The following TACC3 variants were observed in gnomAD, a reference collection of about 807,000 sequenced individuals.
The protein encoded by TACC3 is transforming acidic coiled-coil containing protein 3.
Under a neutral mutation model 86.0 loss-of-function variants are expected in TACC3, and 52 were observed. The ratio of observed to expected loss-of-function variants is 0.60; its 90% confidence interval spans 0.48 to 0.76. TACC3 has a LOEUF of 0.76. TACC3 is among the 30% of genes least tolerant of loss of function. The pLI, the probability that TACC3 is intolerant of heterozygous loss-of-function variation, is 0.00. For synonymous variants in TACC3, 512 were observed against 430.0 expected, an observed-to-expected ratio of 1.19 and a Z score of -2.36; for missense variants, 1,120 against 1,070.4, an observed-to-expected ratio of 1.05 and a Z score of -0.65.
At chr4:1,731,373 GAC>G in intron 6 of TACC3, 72 bp downstream of exon 6, 1 of 1,561,622 alleles carries the variant, frequency 6.4e-7, no homozygotes, top group Non-Finnish European at 8.8e-7. Context: ...GGCAGCTCGA[GAC>G]ACCTGCATCA....
intron 4 of TACC3, among the ~76,000 whole-genome samples, chr4:1,729,719 A>G (rs1000156188): frequency 6.6e-6 from 1 of 152,230 alleles, no homozygotes; most frequent in Non-Finnish European, 1.5e-5. Flanking sequence ...ACAGGGACAC[A>G]GGCCTCTGGA....
chr4:1,740,171 G>C (rs376743853), intron 12 of TACC3, 169 bp downstream of exon 12: 7 of 664,382 alleles, frequency 1.1e-5, no homozygotes, highest in African/African-American at 3.6e-5. Context: ...GGCGAGTTGC[G>C]GGGAAGCTGG....
chr4:1,724,515 C>T (rs138827225), intron 3 of TACC3, among the ~76,000 whole-genome samples: 2,441 of 150,120 alleles, frequency 0.016, 87 homozygotes, highest in African/African-American at 0.056. Flanking sequence ...CTCAGCCTCC[C>T]GAGTAGCTGG....
chr4:1,739,842 C>T lies in TACC3; in HGVS notation c.2018+64C>T. The T allele has an allele frequency of 1.9e-6, 3 of 1,547,428 alleles. 1 individual carries two copies. Among genetic ancestry groups the T allele is most frequent in the African/African-American group, 2.7e-5 (2 of 72,748 alleles). On this transcript the variant is annotated intron_variant, in intron 11 of 15. Coordinates refer to ENST00000313288, the MANE Select transcript of TACC3 (RefSeq NM_006342.3). The stretch of plus-strand genomic sequence containing the variant: ...CCCCTCGCCATCCTTGTCCCCATCC[C>T]CCTCGCCATCCTTGTCCCCATCCCC...
rs1221401529 is a variant in TACC3 at position 1,727,564 on chromosome 4, G to C, written c.306-144G>C. 5 of 1,314,814 alleles carry C rather than the reference G, an allele frequency of 3.8e-6. No homozygotes were observed. In the East Asian group the frequency reaches 7.0e-5, roughly 18 times the overall value. The allele number at this position is 1,314,814 out of a possible 1,614,324, so 81.4% of individuals were successfully genotyped here. ...AACTACATTGAGGAACTGAGGTGGG[G>C]GGTGGAGAACGGGAAGCCGTGCCAA... On this transcript the variant is annotated intron_variant, in intron 3 of 15. Transcript: ENST00000313288.
chr4:1,744,020 G>A (rs1049722591), intron 13 of TACC3, among the ~76,000 whole-genome samples: 9 of 152,132 alleles, frequency 5.9e-5, no homozygotes, highest in East Asian at 1.9e-4. Context: ...GAGGCCACTC[G>A]GGGACCCAGG....
intron 6 of TACC3, among the ~76,000 whole-genome samples, chr4:1,732,380 C>T (rs946647120): frequency 4.8e-5 from 7 of 144,556 alleles, no homozygotes; most frequent in African/African-American, 1.1e-4. Context: ...ACGGTTTGTC[C>T]GTAAGATTGG....
Position 1,734,792 on chromosome 4 carries a change from TC to T in TACC3, c.1592-478del, listed in dbSNP as rs34082297. ...CTCAAGGAGTTCTCCTGCCTCAGCCTCCCTGTAATAGGAGTGCAGCACCGCG... is the reference window on the plus strand; with the variant it reads ...CTCAAGGAGTTCTCCTGCCTCAGCCTCCTGTAATAGGAGTGCAGCACCGCG... On this transcript the variant is annotated intron_variant, in intron 6 of 15. Coordinates refer to ENST00000313288, the MANE Select transcript of TACC3 (RefSeq NM_006342.3). Among the ~76,000 whole-genome samples the T allele has an allele frequency of 4.5e-3, 683 of 152,256 alleles. 4 individuals carry two copies. The highest frequency in any genetic ancestry group is 0.016 in the African/African-American group (659 of 41,540).
intron 3 of TACC3, among the ~76,000 whole-genome samples, chr4:1,725,967 CT>C (rs1428048205): frequency 6.6e-6 from 1 of 152,236 alleles, no homozygotes. Flanking sequence ...GTTTTGACAT[CT>C]TCAAACTTAG....
chr4:1,735,253 G>T lies in TACC3; in HGVS notation c.1592-20G>T. On this transcript the variant is annotated intron_variant, in intron 6 of 15. Coordinates refer to ENST00000313288, the MANE Select transcript of TACC3 (RefSeq NM_006342.3). This position sits in a 1 kb window ranked among gnomAD's most constrained non-coding sequence, Gnocchi z 4.2. ...GCCCTGGTGAGGGGCGATGGCGGCG[G>T]CATGATTCACTCCTCTCAGTTCTAG... 1.2e-6 allele frequency: 2 copies of T among 1,613,820 alleles called. No homozygotes were observed. Among genetic ancestry groups the T allele is most frequent in the South Asian group, 2.2e-5 (2 of 91,090 alleles).
chr4:1,723,743 C>T lies in TACC3; in HGVS notation c.178C>T (p.Pro60Ser). The change falls in exon 3 of 16, where the codon CCT becomes TCT. Residue 60 changes from proline (P) to serine (S), a missense_variant. Pro to Ser is a moderately conservative substitution (Grantham distance 74, BLOSUM62 -1). Coordinates refer to ENST00000313288, the MANE Select transcript of TACC3 (RefSeq NM_006342.3). ...TCCGCAACAGGTGACTTTTCAGACA[C>T]CTCTGCGGGATCCACAGACGCACAG... is the stretch of plus-strand genomic sequence containing the variant. ...AKAMKVTFQTPLRDPQTHRIL... is the reference protein window; with the variant it reads ...AKAMKVTFQTSLRDPQTHRIL... The T allele has an allele frequency of 6.2e-7, 1 of 1,613,748 alleles. No individual in the cohort carries two copies. The highest frequency in any genetic ancestry group is 1.7e-5 in the Admixed American group (1 of 60,028).
chr4:1,734,274 G>A (rs1379535739), intron 6 of TACC3, among the ~76,000 whole-genome samples: 1 of 151,752 alleles, frequency 6.6e-6, no homozygotes, highest in Non-Finnish European at 1.5e-5. Flanking sequence ...TGCAACCTCC[G>A]CCTCCTGGGT....
chr4:1,722,204 T>TC (rs1305396200), intron 1 of TACC3, among the ~76,000 whole-genome samples: 1 of 152,030 alleles, frequency 6.6e-6, no homozygotes, highest in Non-Finnish European at 1.5e-5. Flanking sequence ...CTCCCGGGCC[T>TC]CCATAGTCAG....
At chr4:1,720,830 C>A, upstream of TACC3, 1 of 1,580,128 alleles carries the variant, frequency 6.3e-7, no homozygotes. The surrounding 1 kb of genome is among the most constrained non-coding windows in gnomAD (Gnocchi z 4.4). Flanking sequence ...CACCTCGGGG[C>A]TGTCCATCGC....
At chr4:1,740,163 C>G (rs1005756737) in intron 12 of TACC3, 161 bp downstream of exon 12, 1 of 693,290 alleles carries the variant, frequency 1.4e-6, no homozygotes, top group Non-Finnish European at 2.4e-6. Context: ...AGCACTGAGG[C>G]GAGTTGCGGG....
intron 8 of TACC3, among the ~76,000 whole-genome samples, chr4:1,736,963 G>A (rs1022207508): frequency 1.4e-4 from 22 of 152,092 alleles, no homozygotes; most frequent in African/African-American, 5.3e-4. Flanking sequence ...TGATGAGGCA[G>A]CACTGGCTCC....
At chr4:1,731,083 A>G in intron 5 of TACC3, 89 bp from the exon 6 acceptor site, 1 of 1,597,612 alleles carries the variant, frequency 6.3e-7, no homozygotes, top group Non-Finnish European at 8.6e-7. Context: ...CTCTCCCCCA[A>G]GTCTACTTCA....
At position 1,735,025 on chromosome 4, in the gene TACC3, G is replaced by A. The variant is rs1718184282; in HGVS notation, c.1592-248G>A. ...CCCCCGCCTTTCCCCAGATGTTTGT[G>A]GTTGTCACACCTGGAGGTGCTGCTG... On this transcript the variant is annotated intron_variant, in intron 6 of 15. Coordinates refer to ENST00000313288, the MANE Select transcript of TACC3 (RefSeq NM_006342.3). This position sits in a 1 kb window ranked among gnomAD's most constrained non-coding sequence, Gnocchi z 4.2. Among the ~76,000 whole-genome samples the A allele has an allele frequency of 6.6e-6, 1 of 152,268 alleles. No homozygotes were observed. The highest frequency in any genetic ancestry group is 2.4e-5 in the African/African-American group (1 of 41,478).
Position 1,735,799 on chromosome 4 carries a change from T to A in TACC3, c.1713T>A (p.Pro571=). 2 of 1,603,488 alleles carry A rather than the reference T, an allele frequency of 1.2e-6. No homozygotes were observed. The highest frequency in any genetic ancestry group is 1.7e-6 in the Non-Finnish European group (2 of 1,172,112). ...LKFDPLLRDS[P]GRPVPVATET... ...TCGACCCCCTCCTGAGGGACAGTCCTGGTAGACCAGTGCCCGTGGCCACCG... is the reference window on the plus strand; with the variant it reads ...TCGACCCCCTCCTGAGGGACAGTCCAGGTAGACCAGTGCCCGTGGCCACCG... Residue 571 remains proline (P), a synonymous_variant, in exon 8 of 16, where the codon CCT becomes CCA. Transcript: ENST00000313288. The surrounding 1 kb of genome is among the most constrained non-coding windows in gnomAD (Gnocchi z 4.2).
Sources: gnomAD v4.1 joint callset for allele counts (sites outside exome capture counted in the v4.1 genomes callset) on GRCh38, gnomAD v4.1.1 for gene constraint, Gnocchi (gnomAD v3.1) non-coding constraint, MANE v1.5 for transcripts, NCBI Gene and HGNC (gene_info 2026-07-23, HGNC 2026-07-21) for gene names.